The following POFUT3 variants were observed in gnomAD, a reference collection of about 807,000 sequenced individuals.
POFUT3 encodes the protein protein O-fucosyltransferase 3, also known as GDP-fucose protein O-fucosyltransferase 3.
At chr8:33,355,919 G>C in the POFUT3 span, among the ~76,000 whole-genome samples, 1 of 152,168 alleles carries the variant, frequency 6.6e-6, no homozygotes, top group East Asian at 1.9e-4. Context: ...AGAATATGTG[G>C]TGTTTGGATT....
chr8:33,327,868 T>A, the POFUT3 span, among the ~76,000 whole-genome samples: 1 of 152,166 alleles, frequency 6.6e-6, no homozygotes, highest in East Asian at 1.9e-4. Context: ...GACAGATTTG[T>A]TGGTAGAATT....
chr8:33,390,234 T>A, the POFUT3 span, among the ~76,000 whole-genome samples: 1 of 151,592 alleles, frequency 6.6e-6, no homozygotes, highest in Non-Finnish European at 1.5e-5. Flanking sequence ...ACATGAAGCA[T>A]GTTACAGTGT....
At chr8:33,430,243 A>G in the POFUT3 span, among the ~76,000 whole-genome samples, 1 of 152,214 alleles carries the variant, frequency 6.6e-6, no homozygotes, top group East Asian at 1.9e-4. Context: ...CAAAAGCCAA[A>G]GTAACTTGGT....
At chr8:33,367,126 A>G in the POFUT3 span, among the ~76,000 whole-genome samples, 3 of 152,172 alleles carry the variant, frequency 2.0e-5, no homozygotes, top group African/African-American at 7.2e-5. Flanking sequence ...AAGTCCCCCA[A>G]AATCTGGACA....
the POFUT3 span, among the ~76,000 whole-genome samples, chr8:33,316,513 G>T: frequency 7.2e-4 from 110 of 151,882 alleles, 1 homozygote; most frequent in African/African-American, 2.6e-3. Flanking sequence ...CTGAGGTCAG[G>T]GGTTTGAGAC....
At chr8:33,396,458 G>T in the POFUT3 span, among the ~76,000 whole-genome samples, 1 of 152,188 alleles carries the variant, frequency 6.6e-6, no homozygotes, top group African/African-American at 2.4e-5. Flanking sequence ...AAGTTCTGTT[G>T]CAAGTTTTCT....
chr8:33,362,717 C>T, the POFUT3 span, among the ~76,000 whole-genome samples: 1 of 152,128 alleles, frequency 6.6e-6, no homozygotes, highest in Non-Finnish European at 1.5e-5. Context: ...ACAAGAAGAG[C>T]TGACTATCCT....
At chr8:33,327,316 A>G in the POFUT3 span, among the ~76,000 whole-genome samples, 1 of 152,162 alleles carries the variant, frequency 6.6e-6, no homozygotes, top group East Asian at 1.9e-4. Context: ...TGTCTTATAT[A>G]TGTAGACTTC....
chr8:33,310,436 G>A, the POFUT3 span, among the ~76,000 whole-genome samples: 1 of 152,054 alleles, frequency 6.6e-6, no homozygotes, highest in Admixed American at 6.6e-5. Flanking sequence ...CCCCAGCCGG[G>A]CTCAGTGACT....
At chr8:33,461,065 G>A in the POFUT3 span, among the ~76,000 whole-genome samples, 1 of 151,904 alleles carries the variant, frequency 6.6e-6, no homozygotes, top group Non-Finnish European at 1.5e-5. Flanking sequence ...TGAGGCACAA[G>A]AATTGCTTGA....
chr8:33,313,534 C>T, the POFUT3 span, among the ~76,000 whole-genome samples: 2 of 152,150 alleles, frequency 1.3e-5, 1 homozygote, highest in South Asian at 4.2e-4. Flanking sequence ...TGATATCCTC[C>T]CTATTCCAGA....
chr8:33,351,045 G>C, the POFUT3 span, among the ~76,000 whole-genome samples: 2 of 151,870 alleles, frequency 1.3e-5, no homozygotes, highest in Admixed American at 1.3e-4. Flanking sequence ...GCACGATCTC[G>C]GCTCACTGCC....
At chr8:33,443,097 A>G in the POFUT3 span, among the ~76,000 whole-genome samples, 1 of 152,152 alleles carries the variant, frequency 6.6e-6, no homozygotes, top group Non-Finnish European at 1.5e-5. Context: ...TAGGTGACAG[A>G]GCCAGAACCT....
At chr8:33,346,971 T>G in the POFUT3 span, among the ~76,000 whole-genome samples, 1 of 152,160 alleles carries the variant, frequency 6.6e-6, no homozygotes, top group Non-Finnish European at 1.5e-5. Flanking sequence ...CTCCATAAAA[T>G]CAAAAATTAT....
the POFUT3 span, among the ~76,000 whole-genome samples, chr8:33,315,257 C>T: frequency 6.6e-6 from 1 of 152,176 alleles, no homozygotes; most frequent in Non-Finnish European, 1.5e-5. Context: ...TAAATATCAT[C>T]AGTCACCTTG....
chr8:33,434,536 G>A, the POFUT3 span, among the ~76,000 whole-genome samples: 1 of 152,314 alleles, frequency 6.6e-6, no homozygotes, highest in African/African-American at 2.4e-5. Flanking sequence ...GTTTAACACA[G>A]CTCTGTGGGT....
the POFUT3 span, among the ~76,000 whole-genome samples, chr8:33,400,328 C>G: frequency 6.6e-6 from 1 of 151,924 alleles, no homozygotes; most frequent in Non-Finnish European, 1.5e-5. Context: ...TGGTACACAC[C>G]TGTAATCCCA....
At chr8:33,451,590 GTA>G in the POFUT3 span, 3 of 151,818 alleles carry the variant, frequency 2.0e-5, no homozygotes, top group Non-Finnish European at 4.4e-5. Flanking sequence ...GTACATATGT[GTA>G]TGTGTGTGTG....
At chr8:33,309,426 G>A in the POFUT3 span, among the ~76,000 whole-genome samples, 1 of 150,596 alleles carries the variant, frequency 6.6e-6, no homozygotes, top group African/African-American at 2.5e-5. Flanking sequence ...TGAGACCTTA[G>A]AAATGAGAGC....
Sources: allele counts gnomAD v4.1 joint callset (sites outside exome capture counted in the v4.1 genomes callset), GRCh38; gene constraint gnomAD v4.1.1; transcripts MANE v1.5; gene names NCBI Gene and HGNC (gene_info 2026-07-23, HGNC 2026-07-21).